The following PRR16 variants were observed in gnomAD, a reference collection of about 807,000 sequenced individuals.
PRR16 encodes protein Largen.
A neutral mutation model predicts 18.2 loss-of-function variants in PRR16; 6 were observed. The ratio of observed to expected loss-of-function variants is 0.33; its 90% CI spans 0.18 to 0.65. The LOEUF is 0.65. Ranked by LOEUF, PRR16 falls within the 30% of genes least tolerant of loss-of-function variation. The pLI is 0.74. For missense variants in PRR16, 412 were observed against 376.6 expected (o/e 1.09, Z -0.78); for synonymous variants, 151 against 147.8 (o/e 1.02, Z -0.16).
rs111643102 is a variant in PRR16, at chr5:120,581,504, G to A, written c.160-104450G>A. On this transcript the variant is annotated intron_variant, in intron 1 of 1. Coordinates refer to ENST00000407149, the MANE Select transcript of PRR16 (RefSeq NM_001300783.2). ...TCGTTGATTTTTTGGAGGTTTTTCC[G>A]TGAATCTATCTCCTTCAATTCTTCT... Among the ~76,000 whole-genome samples, 1,244 of 151,930 alleles carry A rather than the reference G, an allele frequency of 8.2e-3. 24 individuals are homozygous for A. Among genetic ancestry groups the A allele is most frequent in the African/African-American group, 0.028 (1,149 of 41,416 alleles).
rs1323178788 is a variant in PRR16, at chr5:120,556,702, A to G, written c.159+92057A>G. ...AAAAGAAACTCCCTCTGAGCAGATAAATTATAAAAACCCTCTTCTTCTGGG... is the reference window on the plus strand; with the variant it reads ...AAAAGAAACTCCCTCTGAGCAGATAGATTATAAAAACCCTCTTCTTCTGGG... On this transcript the variant is annotated intron_variant, in intron 1 of 1. Coordinates refer to ENST00000407149, the MANE Select transcript of PRR16 (RefSeq NM_001300783.2). Among the ~76,000 whole-genome samples, 3 of 151,860 alleles carry G rather than the reference A, an allele frequency of 2.0e-5. No homozygotes were observed. The East Asian group carries it at 5.8e-4, about 29-fold the overall frequency.
intron 1 of PRR16, among the ~76,000 whole-genome samples, chr5:120,542,356 T>C (rs1268754462): frequency 1.3e-5 from 2 of 152,204 alleles, no homozygotes; most frequent in Non-Finnish European, 2.9e-5. Context: ...GGAATGATTT[T>C]AGATTTATAA....
At chr5:120,659,803 T>C (rs1026925545) in intron 1 of PRR16, among the ~76,000 whole-genome samples, 1 of 152,018 alleles carries the variant, frequency 6.6e-6, no homozygotes, top group African/African-American at 2.4e-5. Flanking sequence ...TGAGGGAAGG[T>C]TGGCTTAACT....
At chr5:120,647,147 G>A (rs1755628188) in intron 1 of PRR16, among the ~76,000 whole-genome samples, 1 of 151,948 alleles carries the variant, frequency 6.6e-6, no homozygotes, top group African/African-American at 2.4e-5. Flanking sequence ...TATGATTAAG[G>A]AAAGAGTTAG....
chr5:120,717,377 T>A, the PRR16 span, among the ~76,000 whole-genome samples: 1 of 152,226 alleles, frequency 6.6e-6, no homozygotes, highest in Non-Finnish European at 1.5e-5. Flanking sequence ...TCATTGTTTC[T>A]GATTTTTTCT....
chr5:120,472,740 G>T (rs1442494644), intron 1 of PRR16, among the ~76,000 whole-genome samples: 1 of 152,090 alleles, frequency 6.6e-6, no homozygotes, highest in African/African-American at 2.4e-5. Context: ...AAAATGAGTG[G>T]CATATCAACA....
At chr5:120,710,633 A>T in the PRR16 span, 1 of 152,202 alleles carries the variant, frequency 6.6e-6, no homozygotes, top group South Asian at 2.1e-4. Flanking sequence ...TGCTGCTGTA[A>T]CAAGTATGAC....
the PRR16 span, among the ~76,000 whole-genome samples, chr5:120,701,166 AG>A: frequency 1.3e-5 from 2 of 152,146 alleles, no homozygotes; most frequent in Non-Finnish European, 2.9e-5. Flanking sequence ...AGTGGAGGCA[AG>A]GAATTGCAAC....
intron 1 of PRR16, among the ~76,000 whole-genome samples, chr5:120,527,487 C>T (rs1751410467): frequency 6.6e-6 from 1 of 152,154 alleles, no homozygotes; most frequent in Non-Finnish European, 1.5e-5. Flanking sequence ...AGCAGGAGAG[C>T]TCTGAGACAT....
intron 1 of PRR16, among the ~76,000 whole-genome samples, chr5:120,668,896 T>G (rs1221154883): frequency 6.6e-6 from 1 of 152,176 alleles, no homozygotes; most frequent in Non-Finnish European, 1.5e-5. Context: ...CATTTTTTCC[T>G]TCATTTCAAC....
chr5:120,652,276 G>T (rs992450576), intron 1 of PRR16, among the ~76,000 whole-genome samples: 1 of 151,998 alleles, frequency 6.6e-6, no homozygotes, highest in Non-Finnish European at 1.5e-5. Flanking sequence ...ATCATGAATT[G>T]GACCTGTGGT....
At chr5:120,485,702 G>C (rs1043532693) in intron 1 of PRR16, among the ~76,000 whole-genome samples, 1 of 152,014 alleles carries the variant, frequency 6.6e-6, no homozygotes, top group East Asian at 1.9e-4. Flanking sequence ...ACAACGTGCA[G>C]GTTAGTTACA....
At chr5:120,620,514 C>T (rs968664234) in intron 1 of PRR16, among the ~76,000 whole-genome samples, 1 of 152,112 alleles carries the variant, frequency 6.6e-6, no homozygotes, top group East Asian at 1.9e-4. Flanking sequence ...TGATGTAGGT[C>T]AGTGAACTTG....
chr5:120,691,843 T>A (rs755501171), downstream of PRR16, among the ~76,000 whole-genome samples: 4 of 152,220 alleles, frequency 2.6e-5, no homozygotes, highest in African/African-American at 7.2e-5. Flanking sequence ...TGCTATCTAA[T>A]CCTTATCAAG....
chr5:120,789,835 A>T, the PRR16 span: 2 of 152,266 alleles, frequency 1.3e-5, no homozygotes, highest in African/African-American at 4.8e-5. Context: ...AATGTAAATA[A>T]TCTAAGATTA....
chr5:120,470,908 AT>A (rs112007695), intron 1 of PRR16, among the ~76,000 whole-genome samples: 145 of 148,988 alleles, frequency 9.7e-4, no homozygotes, highest in Middle Eastern at 3.5e-3. Context: ...CACGTTTCCT[AT>A]TTTTTTTTTA....
rs183030114 is a variant in PRR16, at chr5:120,504,913, G to A, written c.159+40268G>A. Reference sequence around the variant, plus strand: ...CAAAGAAATGCCTTGCATCTTCAAGGATTTGATTGCAGAAACTCATGGGAA... The same window carrying A: ...CAAAGAAATGCCTTGCATCTTCAAGAATTTGATTGCAGAAACTCATGGGAA... On this transcript the variant is annotated intron_variant, in intron 1 of 1. Transcript: ENST00000407149. 9.9e-4 allele frequency among the ~76,000 whole-genome samples: 150 copies of A among 152,158 alleles called. 1 individual carries two copies. The highest frequency in any genetic ancestry group is 1.9e-3 in the Admixed American group (29 of 15,276).
intron 1 of PRR16, among the ~76,000 whole-genome samples, chr5:120,638,403 T>A (rs1459333037): frequency 6.6e-6 from 1 of 152,094 alleles, no homozygotes; most frequent in Non-Finnish European, 1.5e-5. Context: ...TTTGAGCCAT[T>A]TTTTGGAATT....
At chr5:120,611,457 T>A (rs1385747298) in intron 1 of PRR16, among the ~76,000 whole-genome samples, 1 of 152,182 alleles carries the variant, frequency 6.6e-6, no homozygotes, top group African/African-American at 2.4e-5. Flanking sequence ...AGTGGTTTTG[T>A]AGGCTGGGCC....
Sources: allele counts gnomAD v4.1 joint callset (sites outside exome capture counted in the v4.1 genomes callset), GRCh38; gene constraint gnomAD v4.1.1; transcripts MANE v1.5; gene names NCBI Gene and HGNC (gene_info 2026-07-23, HGNC 2026-07-21).